The following LEKR1 variants were observed in gnomAD, a reference collection of about 807,000 sequenced individuals.
LEKR1 encodes leucine, glutamate and lysine rich 1.
A neutral mutation model predicts 72.4 loss-of-function variants in LEKR1; 59 were observed. That is an observed-to-expected ratio of 0.82 (90% CI 0.66 to 1.01). LEKR1 has a LOEUF of 1.01. Among genes scored for constraint, LEKR1 ranks in the 50% least tolerant of loss-of-function variants. The pLI is 0.00. For missense variants in LEKR1, 728 were observed against 759.2 expected, an observed-to-expected ratio of 0.96 and a Z score of 0.48; for synonymous variants, 257 against 263.2, an observed-to-expected ratio of 0.98 and a Z score of 0.23.
At chr3:156,950,730 T>C (rs1442194619) in intron 6 of LEKR1, among the ~76,000 whole-genome samples, 2 of 151,734 alleles carry the variant, frequency 1.3e-5, no homozygotes, top group African/African-American at 2.4e-5. Context: ...CCTGAAACTT[T>C]GCTAAAGCTG....
At chr3:156,840,969 C>T (rs2108532171) in intron 2 of LEKR1, among the ~76,000 whole-genome samples, 1 of 152,254 alleles carries the variant, frequency 6.6e-6, no homozygotes, top group South Asian at 2.1e-4. Context: ...CAAAGCAAAG[C>T]AAACAAAATC....
At chr3:156,869,074 C>T (rs1717624921) in intron 3 of LEKR1, among the ~76,000 whole-genome samples, 1 of 152,054 alleles carries the variant, frequency 6.6e-6, no homozygotes, top group South Asian at 2.1e-4. Flanking sequence ...ATGTATATCA[C>T]ACATTTTCTT....
chr3:156,871,713 C>T (rs1040638488), intron 3 of LEKR1, among the ~76,000 whole-genome samples: 11 of 151,988 alleles, frequency 7.2e-5, no homozygotes. Flanking sequence ...GCCAGTCCTT[C>T]ATTCTTTTGA....
intron 12 of LEKR1, among the ~76,000 whole-genome samples, chr3:157,042,702 C>T (rs1735442471): frequency 6.6e-6 from 1 of 152,158 alleles, no homozygotes; most frequent in South Asian, 2.1e-4. Context: ...TTAAGAAGAG[C>T]TCTTGTCATC....
chr3:157,036,102 T>A (rs1734952703), intron 12 of LEKR1, among the ~76,000 whole-genome samples: 1 of 151,988 alleles, frequency 6.6e-6, no homozygotes, highest in Non-Finnish European at 1.5e-5. Context: ...GAGAAACATC[T>A]CTAATGTGAA....
intron 9 of LEKR1, among the ~76,000 whole-genome samples, chr3:156,995,486 G>T (rs76580405): frequency 0.012 from 1,766 of 151,774 alleles, 38 homozygotes; most frequent in African/African-American, 0.041. Context: ...GAATATACAT[G>T]TACTTAGTAA....
chr3:157,029,009 A>G (rs963209648), intron 12 of LEKR1, among the ~76,000 whole-genome samples: 3 of 152,202 alleles, frequency 2.0e-5, no homozygotes, highest in Non-Finnish European at 4.4e-5. Flanking sequence ...GAAACAATTC[A>G]TCTGTTCTCT....
chr3:157,032,783 C>T (rs1560160704), intron 12 of LEKR1, among the ~76,000 whole-genome samples: 1 of 151,050 alleles, frequency 6.6e-6, no homozygotes, highest in Non-Finnish European at 1.5e-5. Context: ...TATTGCATGT[C>T]ACTTTATTGT....
chr3:156,983,554 G>T (rs1198467816), intron 7 of LEKR1, among the ~76,000 whole-genome samples: 1 of 152,112 alleles, frequency 6.6e-6, no homozygotes, highest in Non-Finnish European at 1.5e-5. Flanking sequence ...TACTGATTCA[G>T]GTGGTCCAGT....
intron 9 of LEKR1, 24 bp from the exon 10 acceptor site, chr3:157,011,389 A>G: frequency 6.4e-7 from 1 of 1,551,692 alleles, no homozygotes. Flanking sequence ...GTATTGACTC[A>G]TTTGTCGGGT....
intron 2 of LEKR1, among the ~76,000 whole-genome samples, chr3:156,838,688 G>A (rs1161174733): frequency 2.0e-5 from 3 of 152,176 alleles, no homozygotes; most frequent in African/African-American, 7.2e-5. Context: ...GGTCAGCAGG[G>A]CCTCACTGGG....
intron 2 of LEKR1, among the ~76,000 whole-genome samples, chr3:156,841,948 T>C (rs1713962407): frequency 6.6e-6 from 1 of 152,224 alleles, no homozygotes; most frequent in Non-Finnish European, 1.5e-5. Flanking sequence ...CATTACCGTC[T>C]GAGCTCTGCC....
intron 7 of LEKR1, among the ~76,000 whole-genome samples, chr3:156,982,197 A>G (rs962123628): frequency 3.9e-5 from 6 of 152,238 alleles, no homozygotes; most frequent in Admixed American, 3.9e-4. Flanking sequence ...GGATAATGTC[A>G]GTTTTAGTTG....
At chr3:156,946,403 T>G (rs1726680562) in intron 6 of LEKR1, among the ~76,000 whole-genome samples, 1 of 151,634 alleles carries the variant, frequency 6.6e-6, no homozygotes, top group African/African-American at 2.4e-5. Context: ...TAATTTGACT[T>G]CTTCCTTTCC....
Position 156,963,106 on chromosome 3 carries a change from TC to T in LEKR1, c.746-16086del, listed in dbSNP as rs1728266713. Among the ~76,000 whole-genome samples the T allele has an allele frequency of 2.0e-5, 3 of 152,314 alleles. No homozygotes were observed. The South Asian group carries it at 6.2e-4, about 32-fold the overall frequency. On this transcript the variant is annotated intron_variant, in intron 6 of 12. Coordinates refer to ENST00000356539, the MANE Select transcript of LEKR1 (RefSeq NM_001004316.3). The stretch of plus-strand genomic sequence containing the variant: ...TACATCATCCCATCCCAATGTTGTC[TC>T]CTTCTGCTCATTCAGATACCAGTTT...
intron 2 of LEKR1, among the ~76,000 whole-genome samples, chr3:156,832,665 G>A (rs150713582): frequency 1.3e-4 from 20 of 152,328 alleles, no homozygotes; most frequent in South Asian, 2.1e-4. Context: ...TGAATTGGGT[G>A]AATTTCTCTC....
chr3:157,016,286 C>T (rs1733326353), intron 10 of LEKR1, among the ~76,000 whole-genome samples: 1 of 152,058 alleles, frequency 6.6e-6, no homozygotes, highest in Non-Finnish European at 1.5e-5. Context: ...AATTATAATC[C>T]AGTTGTCCAA....
chr3:156,910,492 C>G (rs903078779), intron 3 of LEKR1, among the ~76,000 whole-genome samples: 13 of 152,176 alleles, frequency 8.5e-5, no homozygotes, highest in Admixed American at 2.6e-4. Context: ...GAAAAACTAA[C>G]TGTTGGGTAC....
chr3:156,882,388 G>A (rs1469967629), intron 3 of LEKR1, among the ~76,000 whole-genome samples: 1 of 151,966 alleles, frequency 6.6e-6, no homozygotes, highest in African/African-American at 2.4e-5. Context: ...GCAGCCAAAA[G>A]ACACATGAAA....
Sources: gnomAD v4.1 joint callset for allele counts (sites outside exome capture counted in the v4.1 genomes callset) on GRCh38, gnomAD v4.1.1 for gene constraint, MANE v1.5 for transcripts, NCBI Gene and HGNC (gene_info 2026-07-23, HGNC 2026-07-21) for gene names.